MALRD1: variants seen among roughly 807,000 people sequenced by gnomAD.
The protein encoded by MALRD1 is MAM and LDL-receptor class A domain-containing protein 1.
A neutral mutation model predicts 242.1 loss-of-function variants in MALRD1; 247 were observed. That is an observed-to-expected ratio of 1.02 (90% CI 0.92 to 1.13). The LOEUF (loss-of-function observed/expected upper bound fraction) is 1.13. Among genes scored for constraint, MALRD1 ranks in the 50% most tolerant of loss-of-function variants. The pLI is 0.00. For synonymous variants in MALRD1, 995 were observed against 866.6 expected (o/e 1.15, Z -2.60); for missense variants, 2,989 against 2,533.1 (o/e 1.18, Z -3.86).
intron 21 of MALRD1, chr10:19,290,293 A>T (rs547832423): frequency 1.3e-5 from 2 of 152,304 alleles, no homozygotes; most frequent in Admixed American, 1.3e-4. Context: ...CAGCTAGTTT[A>T]TTAATTTTTA....
chr10:19,074,421 T>A (rs1038579962), intron 2 of MALRD1, among the ~76,000 whole-genome samples: 1 of 152,120 alleles, frequency 6.6e-6, no homozygotes, highest in Non-Finnish European at 1.5e-5. Flanking sequence ...AGGTCCTTGA[T>A]GTCTGTGTGT....
chr10:19,107,783 C>T (rs532730669), intron 5 of MALRD1, among the ~76,000 whole-genome samples: 68 of 149,880 alleles, frequency 4.5e-4, no homozygotes, highest in African/African-American at 1.5e-3. Flanking sequence ...TTCTATTTCT[C>T]ATTTGTTTAT....
intron 28 of MALRD1, among the ~76,000 whole-genome samples, chr10:19,423,587 T>C (rs912611523): frequency 6.6e-5 from 10 of 152,040 alleles, no homozygotes; most frequent in Non-Finnish European, 1.5e-4. Context: ...TCTGAGTGTC[T>C]ATAGAAGAAT....
chr10:19,471,430 C>T lies in MALRD1; in HGVS notation c.5030-20087C>T, dbSNP rs779815373. Reference sequence around the variant, plus strand: ...TGTCTAATCAGGGTATTTTGTAATTCGATATGAATTTTAGGACTTTTTTTT... The same window carrying T: ...TGTCTAATCAGGGTATTTTGTAATTTGATATGAATTTTAGGACTTTTTTTT... On this transcript the variant is annotated intron_variant, in intron 29 of 39. Transcript: ENST00000454679. 6.6e-5 allele frequency among the ~76,000 whole-genome samples: 10 copies of T among 151,666 alleles called. No homozygotes were observed. The Middle Eastern group carries it at 0.01, about 155-fold the overall frequency.
At chr10:19,599,833 A>G in intron 34 of MALRD1, among the ~76,000 whole-genome samples, 1 of 152,156 alleles carries the variant, frequency 6.6e-6, no homozygotes, top group Non-Finnish European at 1.5e-5. Context: ...CGGTTAGTCC[A>G]TGCTGATCTC....
intron 32 of MALRD1, among the ~76,000 whole-genome samples, chr10:19,563,992 A>C (rs1836140381): frequency 6.6e-6 from 1 of 152,158 alleles, no homozygotes; most frequent in South Asian, 2.1e-4. Context: ...GCCTGCTCCC[A>C]GTTGGCCTTC....
chr10:19,197,533 C>T (rs1009379416), intron 14 of MALRD1, among the ~76,000 whole-genome samples: 2 of 152,174 alleles, frequency 1.3e-5, no homozygotes, highest in South Asian at 4.1e-4. Context: ...TCTCTGAATA[C>T]ATCTGAAACA....
At chr10:19,624,783 C>A (rs148899276) in intron 36 of MALRD1, among the ~76,000 whole-genome samples, 1 of 151,014 alleles carries the variant, frequency 6.6e-6, no homozygotes, top group South Asian at 2.1e-4. Flanking sequence ...GGAGAATCAC[C>A]TGAACCTGGG....
chr10:19,312,380 A>G lies in MALRD1; in HGVS notation c.3420-11569A>G, dbSNP rs553444224. Reference sequence around the variant, plus strand: ...CAGTACAGGGCACAGAGGAATGTGTATATATATATATATATATATATGTGT... The same window carrying G: ...CAGTACAGGGCACAGAGGAATGTGTGTATATATATATATATATATATGTGT... On this transcript the variant is annotated intron_variant, in intron 21 of 39. Coordinates refer to ENST00000454679, the MANE Select transcript of MALRD1 (RefSeq NM_001142308.3). Among the ~76,000 whole-genome samples, 43 of 140,980 alleles carry G rather than the reference A, an allele frequency of 3.1e-4. 1 individual carries two copies. The highest frequency in any genetic ancestry group is 3.6e-3 in the Middle Eastern group (1 of 274). The allele number at this position is 140,980 out of a possible 152,430, so 92.5% of individuals were successfully genotyped here.
At chr10:19,458,852 A>C (rs1835793734) in intron 29 of MALRD1, among the ~76,000 whole-genome samples, 1 of 151,908 alleles carries the variant, frequency 6.6e-6, no homozygotes, top group Non-Finnish European at 1.5e-5. Context: ...GTAGATGAGA[A>C]TCTCTTAGCC....
At chr10:19,716,003 T>C (rs147310015) in intron 38 of MALRD1, among the ~76,000 whole-genome samples, 1 of 151,514 alleles carries the variant, frequency 6.6e-6, no homozygotes, top group Non-Finnish European at 1.5e-5. Flanking sequence ...TAGGCCCACT[T>C]TCCAACATTG....
intron 28 of MALRD1, among the ~76,000 whole-genome samples, chr10:19,436,871 C>G (rs1361839743): frequency 6.6e-6 from 1 of 152,124 alleles, no homozygotes; most frequent in Non-Finnish European, 1.5e-5. Flanking sequence ...CAGTATTATA[C>G]AGAAAAGTGT....
At chr10:19,297,081 C>T (rs559491005) in intron 21 of MALRD1, among the ~76,000 whole-genome samples, 75 of 150,154 alleles carry the variant, frequency 5.0e-4, no homozygotes, top group African/African-American at 1.8e-3. Context: ...TTGGTATTAT[C>T]TTTATTTATA....
intron 21 of MALRD1, among the ~76,000 whole-genome samples, chr10:19,291,880 G>A (rs1291806659): frequency 6.6e-6 from 1 of 151,556 alleles, no homozygotes; most frequent in Non-Finnish European, 1.5e-5. Context: ...ATGTCAGGAG[G>A]TCAAGACCAG....
chr10:19,566,399 A>G (rs1029101668), intron 32 of MALRD1, among the ~76,000 whole-genome samples: 1 of 148,120 alleles, frequency 6.8e-6, no homozygotes, highest in Non-Finnish European at 1.5e-5. Flanking sequence ...TTGGCCTCCC[A>G]AAGTGCTGGG....
chr10:19,613,504 A>G (rs779639816), intron 35 of MALRD1, among the ~76,000 whole-genome samples: 1 of 151,994 alleles, frequency 6.6e-6, no homozygotes, highest in Non-Finnish European at 1.5e-5. Context: ...TAATATTTAA[A>G]TATCTCTTAA....
intron 33 of MALRD1, among the ~76,000 whole-genome samples, chr10:19,577,608 T>C (rs1298467869): frequency 6.6e-6 from 1 of 152,154 alleles, no homozygotes; most frequent in Non-Finnish European, 1.5e-5. Context: ...TTCCATTAGC[T>C]TGAATTTCAC....
chr10:19,142,197 A>AAAAG (rs1833573050), intron 10 of MALRD1, among the ~76,000 whole-genome samples: 5 of 148,578 alleles, frequency 3.4e-5, no homozygotes, highest in Admixed American at 6.7e-5. Flanking sequence ...AAAAAAAAAA[A>AAAAG]GTGGAATGCT....
At chr10:19,667,340 C>T (rs142299877) in intron 36 of MALRD1, among the ~76,000 whole-genome samples, 129 of 152,226 alleles carry the variant, frequency 8.5e-4, no homozygotes, top group African/African-American at 3.0e-3. Flanking sequence ...GCTTACTTAG[C>T]AGGGGCCAGC....
Sources: allele counts gnomAD v4.1 joint callset (sites outside exome capture counted in the v4.1 genomes callset), GRCh38; gene constraint gnomAD v4.1.1; transcripts MANE v1.5; gene names NCBI Gene and HGNC (gene_info 2026-07-23, HGNC 2026-07-21).